KLHL1: variants seen among roughly 807,000 people sequenced by gnomAD.
KLHL1 encodes the protein kelch like family member 1.
KLHL1 carries 47 observed loss-of-function variants against 77.7 expected under a neutral mutation model. That is an observed-to-expected ratio of 0.60 (90% CI 0.48 to 0.77). The LOEUF (loss-of-function observed/expected upper bound fraction) is 0.77, where lower values mean the gene tolerates loss of function less well. KLHL1 is among the 30% of genes least tolerant of loss of function. KLHL1 has a pLI of 0.00. For missense variants in KLHL1, 925 were observed against 910.8 expected, an observed-to-expected ratio of 1.02 and a Z score of -0.20; for synonymous variants, 360 against 325.2, an observed-to-expected ratio of 1.11 and a Z score of -1.15.
intron 1 of KLHL1, among the ~76,000 whole-genome samples, chr13:70,094,148 T>A (rs1001502051): frequency 1.2e-4 from 19 of 152,006 alleles, no homozygotes; most frequent in African/African-American, 3.9e-4. Context: ...GAAGAGTTAG[T>A]CTTAAAGCAT....
chr13:70,032,539 A>G (rs1000291294), intron 1 of KLHL1, among the ~76,000 whole-genome samples: 31 of 152,212 alleles, frequency 2.0e-4, no homozygotes, highest in Non-Finnish European at 2.9e-5. Flanking sequence ...GCTATATAAA[A>G]GTTCCCTGTA....
At chr13:69,882,189 T>C in intron 5 of KLHL1, 94 bp downstream of exon 5, 1 of 837,690 alleles carries the variant, frequency 1.2e-6, no homozygotes, top group Admixed American at 2.2e-5. Context: ...TTTAAAAATG[T>C]GAATACCTAA....
At chr13:70,038,079 C>A (rs574592254) in intron 1 of KLHL1, among the ~76,000 whole-genome samples, 2 of 152,184 alleles carry the variant, frequency 1.3e-5, no homozygotes, top group Non-Finnish European at 2.9e-5. Flanking sequence ...CAATCTCTCA[C>A]CTTTGACAAA....
intron 6 of KLHL1, among the ~76,000 whole-genome samples, chr13:69,833,770 T>TATATATATATATATAC (rs1566304585): frequency 7.1e-6 from 1 of 140,740 alleles, no homozygotes; most frequent in African/African-American, 2.9e-5. Context: ...TATATATACA[T>TATATATATATATATAC]ACATACATAC....
intron 1 of KLHL1, among the ~76,000 whole-genome samples, chr13:70,070,509 T>C (rs1887113809): frequency 6.6e-6 from 1 of 151,770 alleles, no homozygotes; most frequent in Non-Finnish European, 1.5e-5. Context: ...ATTCCATCCC[T>C]AGAGAAATTA....
chr13:69,916,060 G>A (rs1438963103), intron 4 of KLHL1, among the ~76,000 whole-genome samples: 10 of 152,124 alleles, frequency 6.6e-5, no homozygotes, highest in Non-Finnish European at 1.3e-4. Flanking sequence ...ACACCAGTTA[G>A]AATGGCAATC....
At position 69,781,285 on chromosome 13, in the gene KLHL1, CTTTTTT is replaced by C. The variant is rs869083780; in HGVS notation, c.1639+15447_1639+15452del. Among the ~76,000 whole-genome samples the C allele has an allele frequency of 5.0e-3, 603 of 119,698 alleles. 3 individuals carry two copies. Among genetic ancestry groups the C allele is most frequent in the Non-Finnish European group, 7.4e-3 (439 of 59,502 alleles). 78.5% of individuals were successfully genotyped at this position (119,698 alleles called of 152,430 possible). On this transcript the variant is annotated intron_variant, in intron 7 of 10. Transcript: ENST00000377844. ...TCTTGAGAGACTCCTTTTTTTCTTT[CTTTTTT>C]TTTTTTTTTTTTTTGTCAAATATCA... is the stretch of plus-strand genomic sequence containing the variant.
At chr13:69,840,335 TGCCTCAG>T (rs1402494621) in intron 5 of KLHL1, among the ~76,000 whole-genome samples, 3 of 151,946 alleles carry the variant, frequency 2.0e-5, no homozygotes, top group Non-Finnish European at 4.4e-5. Flanking sequence ...GCAATTCTCC[TGCCTCAG>T]TCTCCTGAGT....
intron 4 of KLHL1, among the ~76,000 whole-genome samples, chr13:69,908,602 T>C (rs1427472014): frequency 6.6e-6 from 1 of 151,290 alleles, no homozygotes; most frequent in Non-Finnish European, 1.5e-5. Flanking sequence ...AAAGGAAATA[T>C]ATATTTCATT....
At chr13:69,761,897 C>T (rs1875040009) in intron 7 of KLHL1, among the ~76,000 whole-genome samples, 2 of 152,124 alleles carry the variant, frequency 1.3e-5, no homozygotes, top group Admixed American at 6.6e-5. Flanking sequence ...TGATGAGTGA[C>T]TGTTCTAAAT....
intron 1 of KLHL1, among the ~76,000 whole-genome samples, chr13:70,059,332 TG>T (rs1886821230): frequency 6.6e-6 from 1 of 152,056 alleles, no homozygotes; most frequent in South Asian, 2.1e-4. Flanking sequence ...TAATTGTTTT[TG>T]GTTTTTTCAA....
intron 8 of KLHL1, among the ~76,000 whole-genome samples, chr13:69,738,016 C>T (rs1416254869): frequency 6.6e-6 from 1 of 152,138 alleles, no homozygotes; most frequent in African/African-American, 2.4e-5. Context: ...CCCTCTGAGA[C>T]AGAGCTCCAT....
chr13:69,963,514 A>C (rs1297206252), intron 2 of KLHL1, among the ~76,000 whole-genome samples: 1 of 152,120 alleles, frequency 6.6e-6, no homozygotes, highest in Admixed American at 6.6e-5. Flanking sequence ...TTTGTTGCAT[A>C]TTCTCCTTAA....
At chr13:69,907,880 A>C (rs1185915100) in intron 4 of KLHL1, among the ~76,000 whole-genome samples, 1 of 152,090 alleles carries the variant, frequency 6.6e-6, no homozygotes, top group Non-Finnish European at 1.5e-5. Context: ...ATTTCAAAAT[A>C]AGATTTTTCA....
At chr13:70,029,033 C>T (rs545000274) in intron 1 of KLHL1, among the ~76,000 whole-genome samples, 16 of 150,728 alleles carry the variant, frequency 1.1e-4, no homozygotes, top group Non-Finnish European at 2.1e-4. Flanking sequence ...ATTATCAGAA[C>T]AAAAGCAAGG....
intron 1 of KLHL1, among the ~76,000 whole-genome samples, chr13:70,051,472 C>T (rs144707731): frequency 1.6e-4 from 24 of 152,040 alleles, no homozygotes; most frequent in Middle Eastern, 3.4e-3. Flanking sequence ...TTGGAAAAAA[C>T]AATGCAGCAC....
intron 7 of KLHL1, among the ~76,000 whole-genome samples, chr13:69,764,929 C>CTTTTTTTATTTTTTTTTT (rs1875207754): frequency 2.5e-5 from 1 of 39,714 alleles, no homozygotes; most frequent in Non-Finnish European, 4.5e-5. Context: ...TATATCTTTG[C>CTTTTTTTATTTTTTTTTT]TTTTTTTTTT....
At chr13:70,098,264 A>G (rs1391540419) in intron 1 of KLHL1, among the ~76,000 whole-genome samples, 2 of 151,848 alleles carry the variant, frequency 1.3e-5, no homozygotes, top group African/African-American at 4.8e-5. Flanking sequence ...CTTCATGTAG[A>G]CATAAACTTA....
chr13:69,939,378 T>TATATATATATATATATACACAC (rs1200160699), intron 4 of KLHL1, among the ~76,000 whole-genome samples: 1 of 70,822 alleles, frequency 1.4e-5, no homozygotes, highest in Non-Finnish European at 2.7e-5. Flanking sequence ...TATATATATA[T>TATATATATATATATATACACAC]ACACACACAC....
Sources: allele counts gnomAD v4.1 joint callset (sites outside exome capture counted in the v4.1 genomes callset), GRCh38; gene constraint gnomAD v4.1.1; transcripts MANE v1.5; gene names NCBI Gene and HGNC (gene_info 2026-07-23, HGNC 2026-07-21).